Variants in HK1 observed in about 807,000 individuals in gnomAD.
HK1 encodes the protein hexokinase-1.
Under a neutral mutation model 91.6 loss-of-function variants are expected in HK1, and 28 were observed. That is an observed-to-expected ratio of 0.31 (90% CI 0.23 to 0.42). HK1 has a LOEUF of 0.42. HK1 is among the 10% of genes least tolerant of loss of function. HK1 has a pLI of 1.00. For missense variants in HK1, 770 were observed against 1,219.8 expected (o/e 0.63, Z 5.49); for synonymous variants, 430 against 468.1 (o/e 0.92, Z 1.05).
At chr10:69,284,973 C>T (rs577167115) in intron 2 of HK1, among the ~76,000 whole-genome samples, 40 of 152,072 alleles carry the variant, frequency 2.6e-4, no homozygotes, top group Non-Finnish European at 4.4e-4. Flanking sequence ...CCAGCCACCA[C>T]GCCCGGCTAA....
intron 3 of HK1, among the ~76,000 whole-genome samples, chr10:69,292,713 C>T (rs10762276): frequency 0.82 from 124,995 of 152,136 alleles, 56,598 homozygotes; most frequent in Non-Finnish European, 1. Context: ...CCTCAGTATT[C>T]GTATTCGTAT....
intron 4 of HK1, among the ~76,000 whole-genome samples, chr10:69,299,807 G>A (rs948125279): frequency 2.0e-5 from 3 of 150,916 alleles, no homozygotes; most frequent in East Asian, 1.9e-4. Context: ...GATTACAGGC[G>A]CCTGCCACTA....
At chr10:69,324,516 T>C (rs1230351906) in intron 1 of HK1, among the ~76,000 whole-genome samples, 1 of 152,042 alleles carries the variant, frequency 6.6e-6, no homozygotes, top group Non-Finnish European at 1.5e-5. Flanking sequence ...CACTTGAACC[T>C]GGGAGGCGGA....
chr10:69,348,127 G>A (rs79593158), intron 2 of HK1, among the ~76,000 whole-genome samples: 7,654 of 152,064 alleles, frequency 0.05, 215 homozygotes, highest in African/African-American at 0.083. Flanking sequence ...AATAGGAATC[G>A]ATACTTCTTG....
intron 8 of HK1, among the ~76,000 whole-genome samples, chr10:69,378,314 A>T (rs1446316313): frequency 6.6e-6 from 1 of 152,046 alleles, no homozygotes; most frequent in Non-Finnish European, 1.5e-5. Context: ...TATCTCAAAA[A>T]AAAAAAAACT....
chr10:69,367,630 C>G (rs1371429357), intron 4 of HK1, among the ~76,000 whole-genome samples: 1 of 150,364 alleles, frequency 6.7e-6, no homozygotes, highest in East Asian at 2.0e-4. Flanking sequence ...GGTGCATACT[C>G]CAGTCTGTGT....
intron 5 of HK1, among the ~76,000 whole-genome samples, chr10:69,302,485 C>T (rs533850831): frequency 9.5e-4 from 143 of 150,692 alleles, no homozygotes; most frequent in African/African-American, 3.3e-3. Context: ...CACCATTCTC[C>T]TGCCTCAGCC....
At chr10:69,306,461 G>A (rs116738629) in intron 5 of HK1, among the ~76,000 whole-genome samples, 3,092 of 152,190 alleles carry the variant, frequency 0.02, 100 homozygotes, top group African/African-American at 0.071. Flanking sequence ...AAAGGGAAGG[G>A]TAGATAAAAG....
At position 69,335,480 on chromosome 10, in the gene HK1, G is replaced by A. The variant is rs150145856; in HGVS notation, c.64-8347G>A. ...TGGCGGTGATAGCCCCTGTAGTACC[G>A]CATCTCCCTCTCCAGGAAGCCCCTG... On this transcript the variant is annotated intron_variant, in intron 1 of 17. Coordinates refer to ENST00000359426, the MANE Select transcript of HK1 (RefSeq NM_000188.3). Among the ~76,000 whole-genome samples, 110 of 152,270 alleles carry A rather than the reference G, an allele frequency of 7.2e-4. 3 individuals carry two copies. The East Asian group carries it at 0.02, about 27-fold the overall frequency.
At chr10:69,333,801 G>A (rs139964159) in intron 1 of HK1, among the ~76,000 whole-genome samples, 37 of 152,120 alleles carry the variant, frequency 2.4e-4, no homozygotes, top group Non-Finnish European at 4.6e-4. Context: ...TTGCTAGAAC[G>A]TCAGTTTCTT....
rs368079623 is a variant in HK1 at position 69,334,966 on chromosome 10, A to G, written c.64-8861A>G. ...CTTTGGGAGGAAGAAGGAGCTGGGG[A>G]CGGAGAGGCCCAGGAGGCAGACTGG... On this transcript the variant is annotated intron_variant, in intron 1 of 17. Transcript: ENST00000359426. Among the ~76,000 whole-genome samples, 84 of 152,086 alleles carry G rather than the reference A, an allele frequency of 5.5e-4. 1 individual carries two copies. The highest frequency in any genetic ancestry group is 2.0e-3 in the African/African-American group (81 of 41,470).
chr10:69,298,064 A>T (rs1442532983), intron 4 of HK1, among the ~76,000 whole-genome samples: 1 of 150,600 alleles, frequency 6.6e-6, no homozygotes, highest in Non-Finnish European at 1.5e-5. Flanking sequence ...TACAAAAATT[A>T]GCCAGGCGTG....
intron 1 of HK1, among the ~76,000 whole-genome samples, chr10:69,331,203 T>A (rs955508384): frequency 6.6e-6 from 1 of 152,248 alleles, no homozygotes; most frequent in African/African-American, 2.4e-5. Context: ...TCTTTGGACC[T>A]TCATTTCCTT....
chr10:69,300,871 A>C, intron 5 of HK1: 1 of 1,390,534 alleles, frequency 7.2e-7, no homozygotes, highest in Non-Finnish European at 1.0e-6. Context: ...TGTACGTAGA[A>C]AATCCTGGAA....
At position 69,386,422 on chromosome 10, in the gene HK1, A is replaced by C. The variant is rs1309130903; in HGVS notation, c.1935+4A>C. 2 of 1,599,650 alleles carry C rather than the reference A, an allele frequency of 1.3e-6. No homozygotes were observed. The highest frequency in any genetic ancestry group is 1.7e-5 in the Admixed American group (1 of 60,008). ...GGATGCGATAAAAAGGAGAGAGGTA[A>C]CTATTAAAAGAATGTTTTTTAAAAT... On this transcript the variant is annotated splice_donor_region_variant and intron_variant, in intron 13 of 17. Transcript: ENST00000359426.
chr10:69,280,831 A>G (rs1844710706), intron 1 of HK1, among the ~76,000 whole-genome samples: 1 of 152,226 alleles, frequency 6.6e-6, no homozygotes, highest in South Asian at 2.1e-4. Context: ...GGACCAAGAC[A>G]GTGAGGGTGG....
chr10:69,330,997 G>C (rs374353875), intron 1 of HK1, among the ~76,000 whole-genome samples: 38 of 151,270 alleles, frequency 2.5e-4, no homozygotes, highest in African/African-American at 8.5e-4. Context: ...CTCCCACCTC[G>C]GTCTCCTGAG....
At chr10:69,334,067 C>T (rs751939603) in intron 1 of HK1, among the ~76,000 whole-genome samples, 6 of 152,008 alleles carry the variant, frequency 3.9e-5, no homozygotes, top group African/African-American at 7.2e-5. Flanking sequence ...GCTGAGATTG[C>T]GCCACTGTAC....
At chr10:69,359,185 A>G (rs926985640) in intron 2 of HK1, among the ~76,000 whole-genome samples, 3 of 152,234 alleles carry the variant, frequency 2.0e-5, no homozygotes, top group Admixed American at 6.5e-5. Flanking sequence ...AGAATAGGCA[A>G]GTTCATAGAG....
Sources: gnomAD v4.1 joint callset for allele counts (sites outside exome capture counted in the v4.1 genomes callset) on GRCh38, gnomAD v4.1.1 for gene constraint, MANE v1.5 for transcripts, NCBI Gene and HGNC (gene_info 2026-07-23, HGNC 2026-07-21) for gene names.